Variants in SGCZ observed in about 807,000 individuals in gnomAD.
SGCZ encodes zeta-sarcoglycan.
A neutral mutation model predicts 41.3 loss-of-function variants in SGCZ; 40 were observed. That is an observed-to-expected ratio of 0.97 (90% confidence interval 0.75 to 1.26). SGCZ has a LOEUF of 1.26. SGCZ is among the 50% of genes most tolerant of loss of function. The pLI is 0.00. For missense variants in SGCZ, 552 were observed against 369.8 expected (o/e 1.49, Z -4.04); for synonymous variants, 206 against 137.5 (o/e 1.50, Z -3.49).
In SGCZ at chr8:14,444,759, A is replaced by G. The variant is rs191111438; in HGVS notation, c.234+109973T>C. On this transcript the variant is annotated intron_variant, in intron 2 of 7. Coordinates refer to ENST00000382080, the MANE Select transcript of SGCZ (RefSeq NM_139167.4). ...GCACACCCGCATGGCACATGTATAC[A>G]TATGTAACTAACCGGCATATTGGGC... is the stretch of plus-strand genomic sequence containing the variant. Among the ~76,000 whole-genome samples the G allele has an allele frequency of 2.8e-3, 423 of 152,192 alleles. 2 individuals carry two copies. Among genetic ancestry groups the G allele is most frequent in the South Asian group, 0.022 (108 of 4,830 alleles).
In SGCZ at chr8:14,961,870, C is replaced by T. The variant is rs542224054; in HGVS notation, c.39+275715G>A. ...CCTTCAAGGTATATGGCAATAGGGC[C>T]GCAAACTACTCCCTATTCATAGCAA... is the stretch of plus-strand genomic sequence containing the variant. On this transcript the variant is annotated intron_variant, in intron 1 of 7. Coordinates refer to ENST00000382080, the MANE Select transcript of SGCZ (RefSeq NM_139167.4). Among the ~76,000 whole-genome samples, 18 of 152,236 alleles carry T rather than the reference C, an allele frequency of 1.2e-4. 1 individual carries two copies. Among genetic ancestry groups the T allele is most frequent in the Admixed American group, 9.2e-4 (14 of 15,294 alleles).
intron 2 of SGCZ, among the ~76,000 whole-genome samples, chr8:14,524,837 T>G (rs1462829608): frequency 6.6e-6 from 1 of 152,086 alleles, no homozygotes; most frequent in South Asian, 2.1e-4. Context: ...TTTTGTTTTT[T>G]TTAAAGCAAA....
intron 1 of SGCZ, among the ~76,000 whole-genome samples, chr8:14,580,862 G>A (rs1051402462): frequency 6.6e-6 from 1 of 152,176 alleles, no homozygotes; most frequent in Admixed American, 6.5e-5. Context: ...TCCAGCGATA[G>A]AAACATCATG....
intron 3 of SGCZ, among the ~76,000 whole-genome samples, chr8:14,261,347 C>CA (rs1438464735): frequency 6.6e-6 from 1 of 152,046 alleles, no homozygotes; most frequent in African/African-American, 2.4e-5. Flanking sequence ...CCTTTCTAAA[C>CA]AAAAAATTCA....
intron 1 of SGCZ, among the ~76,000 whole-genome samples, chr8:15,151,535 A>G (rs984328977): frequency 2.0e-5 from 3 of 152,118 alleles, no homozygotes; most frequent in Non-Finnish European, 2.9e-5. Flanking sequence ...GGACTTCTTT[A>G]ATTTTTAGTC....
intron 2 of SGCZ, among the ~76,000 whole-genome samples, chr8:14,519,917 C>T (rs1020845831): frequency 2.0e-5 from 3 of 152,092 alleles, no homozygotes; most frequent in Non-Finnish European, 2.9e-5. Context: ...TATGTCGTAT[C>T]TCAATTTACC....
intron 1 of SGCZ, among the ~76,000 whole-genome samples, chr8:14,810,280 A>G (rs1448198114): frequency 6.6e-6 from 1 of 152,076 alleles, no homozygotes; most frequent in East Asian, 1.9e-4. Context: ...TAGAACTTTA[A>G]ATCAAATTGT....
intron 1 of SGCZ, among the ~76,000 whole-genome samples, chr8:14,921,408 G>A (rs969306547): frequency 6.6e-6 from 1 of 152,000 alleles, no homozygotes; most frequent in Non-Finnish European, 1.5e-5. Flanking sequence ...AAAATGGGGA[G>A]AGCAATGACC....
In SGCZ at chr8:14,362,220, G is replaced by A. The variant is rs1159097690; in HGVS notation, c.235-38016C>T. Among the ~76,000 whole-genome samples, 4 of 152,182 alleles carry A rather than the reference G, an allele frequency of 2.6e-5. No homozygotes were observed. The South Asian group carries it at 6.2e-4, about 24-fold the overall frequency. On this transcript the variant is annotated intron_variant, in intron 2 of 7. Transcript: ENST00000382080. ...TGGGAGAAGCACTACTCTCCTCAGA[G>A]CTGTCAGGCAGGGACATTTAAGTCT...
At chr8:14,595,275 A>C (rs762544065) in intron 1 of SGCZ, among the ~76,000 whole-genome samples, 7 of 152,100 alleles carry the variant, frequency 4.6e-5, no homozygotes, top group Non-Finnish European at 8.8e-5. Flanking sequence ...ATTTTTTTGG[A>C]AAACATATTA....
At chr8:14,981,661 C>T (rs1384474086) in intron 1 of SGCZ, among the ~76,000 whole-genome samples, 1 of 152,128 alleles carries the variant, frequency 6.6e-6, no homozygotes, top group Admixed American at 6.5e-5. Flanking sequence ...TGTCAACTCA[C>T]CACAGCCAAT....
chr8:14,876,184 T>C (rs1404592074), intron 1 of SGCZ, among the ~76,000 whole-genome samples: 1 of 152,098 alleles, frequency 6.6e-6, no homozygotes, highest in Middle Eastern at 3.2e-3. Context: ...ACTCAATACA[T>C]TGCCCATACT....
At chr8:14,760,746 G>T (rs972176661) in intron 1 of SGCZ, among the ~76,000 whole-genome samples, 13 of 152,152 alleles carry the variant, frequency 8.5e-5, no homozygotes, top group Non-Finnish European at 1.5e-4. Flanking sequence ...CAGTTATTCA[G>T]TCTATTTCTT....
At chr8:14,297,518 C>T (rs1393312558) in intron 3 of SGCZ, among the ~76,000 whole-genome samples, 1 of 151,020 alleles carries the variant, frequency 6.6e-6, no homozygotes, top group Non-Finnish European at 1.5e-5. Flanking sequence ...GAAAGTAACA[C>T]AGAAGAAAAA....
chr8:15,033,227 C>G (rs1422509099), intron 1 of SGCZ, among the ~76,000 whole-genome samples: 2 of 151,926 alleles, frequency 1.3e-5, no homozygotes, highest in Non-Finnish European at 2.9e-5. Flanking sequence ...CAGGCCAGCC[C>G]TCATAGACCT....
intron 6 of SGCZ, among the ~76,000 whole-genome samples, chr8:14,107,855 C>A (rs1288610300): frequency 6.6e-6 from 1 of 151,998 alleles, no homozygotes; most frequent in African/African-American, 2.4e-5. Flanking sequence ...ACTATGTTGC[C>A]AGGTCTTGAA....
At chr8:14,905,147 G>A (rs182905581) in intron 1 of SGCZ, among the ~76,000 whole-genome samples, 1 of 151,946 alleles carries the variant, frequency 6.6e-6, no homozygotes, top group East Asian at 1.9e-4. Flanking sequence ...ATATACTTCT[G>A]TTTATCAATG....
intron 1 of SGCZ, among the ~76,000 whole-genome samples, chr8:14,657,728 C>T (rs1025292905): frequency 5.3e-5 from 8 of 152,162 alleles, no homozygotes; most frequent in African/African-American, 1.9e-4. Flanking sequence ...TCCTGAATAT[C>T]ACAATCCATC....
chr8:14,817,641 G>T (rs1801947856), intron 1 of SGCZ, among the ~76,000 whole-genome samples: 1 of 152,156 alleles, frequency 6.6e-6, no homozygotes, highest in Non-Finnish European at 1.5e-5. Context: ...AGGCCAGATG[G>T]AATTACCAAG....
Sources: allele counts gnomAD v4.1 joint callset (sites outside exome capture counted in the v4.1 genomes callset), GRCh38; gene constraint gnomAD v4.1.1; transcripts MANE v1.5; gene names NCBI Gene and HGNC (gene_info 2026-07-23, HGNC 2026-07-21).